Variants in ZFAND3 observed in about 807,000 individuals in gnomAD.
ZFAND3 encodes the protein AN1-type zinc finger protein 3.
In ZFAND3, 10 loss-of-function variants were observed where a neutral mutation model predicts 29.6. That is an observed-to-expected ratio of 0.34 (90% CI 0.21 to 0.57). The LOEUF is 0.57. ZFAND3 is among the 20% of genes least tolerant of loss of function. The probability of loss-of-function intolerance (pLI) is 0.86; values close to 1 mark genes in which losing one functional copy is unlikely to be tolerated. For missense variants in ZFAND3, 230 were observed against 304.5 expected, an observed-to-expected ratio of 0.76 and a Z score of 1.82; for synonymous variants, 128 against 112.6, an observed-to-expected ratio of 1.14 and a Z score of -0.87.
chr6:38,130,331 A>G (rs74501562), intron 5 of ZFAND3, among the ~76,000 whole-genome samples: 3 of 152,196 alleles, frequency 2.0e-5, no homozygotes, highest in Admixed American at 6.5e-5. Context: ...TGCTCTGGCT[A>G]GGACTTCCAG....
At chr6:37,831,423 A>C (rs1763858947) in intron 1 of ZFAND3, among the ~76,000 whole-genome samples, 1 of 152,216 alleles carries the variant, frequency 6.6e-6, no homozygotes. Context: ...GCAAGTGTTA[A>C]GCACTCTATT....
At chr6:38,100,567 G>A (rs945673256) in intron 4 of ZFAND3, among the ~76,000 whole-genome samples, 20 of 152,120 alleles carry the variant, frequency 1.3e-4, no homozygotes, top group African/African-American at 3.6e-4. Flanking sequence ...CTGCAAACCC[G>A]GAGAAGCATG....
chr6:38,129,098 T>C (rs1765692930), intron 5 of ZFAND3, among the ~76,000 whole-genome samples: 1 of 152,254 alleles, frequency 6.6e-6, no homozygotes, highest in Admixed American at 6.5e-5. Context: ...TGAGCATTTT[T>C]TCATATGTTT....
chr6:38,114,780 A>G (rs954353280), intron 4 of ZFAND3, among the ~76,000 whole-genome samples: 7 of 152,332 alleles, frequency 4.6e-5, no homozygotes, highest in Middle Eastern at 3.4e-3. Flanking sequence ...GCTTCTCACT[A>G]GAGCCACTTT....
At chr6:37,930,829 C>T in intron 2 of ZFAND3, among the ~76,000 whole-genome samples, 1 of 152,032 alleles carries the variant, frequency 6.6e-6, no homozygotes, top group Non-Finnish European at 1.5e-5. Flanking sequence ...TTCATTTTGT[C>T]AAAGGTAAAC....
chr6:37,910,074 A>T (rs1765492834), intron 1 of ZFAND3, among the ~76,000 whole-genome samples: 1 of 152,262 alleles, frequency 6.6e-6, no homozygotes, highest in African/African-American at 2.4e-5. Context: ...TGAGAGCCAT[A>T]CACTTGTTTC....
intron 2 of ZFAND3, among the ~76,000 whole-genome samples, chr6:37,959,133 C>G (rs537920577): frequency 6.6e-6 from 1 of 152,192 alleles, no homozygotes; most frequent in Admixed American, 6.5e-5. Context: ...ATTTCACCTT[C>G]TGAATTTGCT....
In ZFAND3 at chr6:38,153,168, G is replaced by A; in HGVS notation, c.*779G>A. 1.0e-6 allele frequency: 1 copy of A among 985,516 alleles called. No homozygotes were observed. The highest frequency in any genetic ancestry group is 4.7e-5 in the South Asian group (1 of 21,294). The allele number at this position is 985,516 out of a possible 1,614,324, so 61.0% of individuals were successfully genotyped here. ...GCCGGCTCTGGTCTGCCATTCGCCA[G>A]TGCAGGGATCTGGCACGGACCAGAT... On this transcript the variant is annotated 3_prime_UTR_variant, in exon 6 of 6. Transcript: ENST00000287218.
chr6:38,021,318 CT>C (rs1265178374), intron 2 of ZFAND3, among the ~76,000 whole-genome samples: 2 of 152,186 alleles, frequency 1.3e-5, no homozygotes, highest in Admixed American at 1.3e-4. Flanking sequence ...CTACTGTGCC[CT>C]TTTTAAAAGG....
chr6:37,896,560 T>TTCTTTCTC (rs1765215982), intron 1 of ZFAND3, among the ~76,000 whole-genome samples: 1 of 148,408 alleles, frequency 6.7e-6, no homozygotes, highest in Non-Finnish European at 1.5e-5. Flanking sequence ...CTTTCTTTCT[T>TTCTTTCTC]TCTTTCTTTC....
chr6:37,899,981 A>G (rs539658318), intron 1 of ZFAND3, among the ~76,000 whole-genome samples: 58 of 152,192 alleles, frequency 3.8e-4, no homozygotes, highest in Non-Finnish European at 7.8e-4. Flanking sequence ...TGATTGTTTT[A>G]TAACAGTGTA....
chr6:37,879,260 C>T (rs922501457), intron 1 of ZFAND3, among the ~76,000 whole-genome samples: 3 of 152,144 alleles, frequency 2.0e-5, no homozygotes, highest in African/African-American at 7.2e-5. Context: ...TGCTTAATAT[C>T]ACTTCTTTGG....
At chr6:38,096,076 TTAC>T (rs1764972457) in intron 4 of ZFAND3, among the ~76,000 whole-genome samples, 1 of 152,178 alleles carries the variant, frequency 6.6e-6, no homozygotes, top group Non-Finnish European at 1.5e-5. Flanking sequence ...GTATTCCATG[TTAC>T]TACTAAGAAG....
intron 4 of ZFAND3, among the ~76,000 whole-genome samples, chr6:38,095,311 T>C (rs1764955304): frequency 6.6e-6 from 1 of 152,204 alleles, no homozygotes; most frequent in East Asian, 1.9e-4. Flanking sequence ...CAAAGCCAAA[T>C]TGATCCTTTA....
At chr6:38,137,391 T>C (rs765860861) in intron 5 of ZFAND3, among the ~76,000 whole-genome samples, 2 of 152,256 alleles carry the variant, frequency 1.3e-5, no homozygotes, top group Non-Finnish European at 2.9e-5. Context: ...GTTACTAGCA[T>C]TAAATATTGC....
intron 2 of ZFAND3, among the ~76,000 whole-genome samples, chr6:37,966,310 G>A (rs956257029): frequency 7.2e-5 from 11 of 152,134 alleles, no homozygotes; most frequent in Non-Finnish European, 1.3e-4. Flanking sequence ...GTATTTTAGG[G>A]AAAACTAAGC....
intron 2 of ZFAND3, among the ~76,000 whole-genome samples, chr6:37,958,492 T>C (rs995569359): frequency 6.6e-6 from 1 of 151,838 alleles, no homozygotes; most frequent in Non-Finnish European, 1.5e-5. Flanking sequence ...TTAGGTAGAT[T>C]CTGAACCATT....
At chr6:38,111,870 G>A (rs73421831) in intron 4 of ZFAND3, among the ~76,000 whole-genome samples, 10,373 of 152,128 alleles carry the variant, frequency 0.068, 426 homozygotes, top group Non-Finnish European at 0.087. Flanking sequence ...GCTGTATACG[G>A]GAGGATGTAT....
intron 1 of ZFAND3, among the ~76,000 whole-genome samples, chr6:37,907,552 A>G (rs1738019878): frequency 1.3e-5 from 2 of 152,126 alleles, no homozygotes; most frequent in Admixed American, 6.6e-5. Context: ...TGTCGCATGT[A>G]TCTGTAGTTC....
Sources: gnomAD v4.1 joint callset for allele counts (sites outside exome capture counted in the v4.1 genomes callset) on GRCh38, gnomAD v4.1.1 for gene constraint, MANE v1.5 for transcripts, NCBI Gene and HGNC (gene_info 2026-07-23, HGNC 2026-07-21) for gene names.